FHIT: variants seen among roughly 807,000 people sequenced by gnomAD.
The protein encoded by FHIT is bis(5'-adenosyl)-triphosphatase.
Under a neutral mutation model 17.9 loss-of-function variants are expected in FHIT, and 19 were observed. The ratio of observed to expected loss-of-function variants is 1.06; its 90% CI spans 0.74 to 1.56. The LOEUF (loss-of-function observed/expected upper bound fraction) is 1.56, where lower values mean the gene tolerates loss of function less well. FHIT is among the 40% of genes most tolerant of loss of function. The probability of loss-of-function intolerance (pLI) is 0.00; values close to 1 mark genes in which losing one functional copy is unlikely to be tolerated. For synonymous variants in FHIT, 81 were observed against 69.7 expected, an observed-to-expected ratio of 1.16 and a Z score of -0.81; for missense variants, 248 against 189.2, an observed-to-expected ratio of 1.31 and a Z score of -1.82.
intron 3 of FHIT, among the ~76,000 whole-genome samples, chr3:60,999,111 C>A (rs1194728763): frequency 1.3e-5 from 2 of 152,106 alleles, no homozygotes; most frequent in Non-Finnish European, 2.9e-5. Flanking sequence ...AAGGACACTG[C>A]CACAGCCATG....
chr3:61,214,712 A>G (rs1340730536), intron 1 of FHIT, among the ~76,000 whole-genome samples: 8 of 152,204 alleles, frequency 5.3e-5, no homozygotes. Context: ...CAAAAGAGAG[A>G]ATTTTAGACC....
At chr3:59,931,505 T>C (rs761851582) in intron 7 of FHIT, among the ~76,000 whole-genome samples, 2 of 152,186 alleles carry the variant, frequency 1.3e-5, no homozygotes, top group Non-Finnish European at 2.9e-5. Context: ...ACAGGCACAC[T>C]GATGGTTTCT....
chr3:60,263,336 C>T (rs1387462489), intron 5 of FHIT, among the ~76,000 whole-genome samples: 8 of 151,866 alleles, frequency 5.3e-5, no homozygotes, highest in Admixed American at 5.3e-4. Flanking sequence ...TCAGTAATTC[C>T]ACTTGTAGGT....
chr3:60,039,998 G>C (rs1273978982), intron 5 of FHIT, among the ~76,000 whole-genome samples: 1 of 152,110 alleles, frequency 6.6e-6, no homozygotes, highest in Non-Finnish European at 1.5e-5. Flanking sequence ...GTATGATATG[G>C]TATGGAAATA....
chr3:60,088,185 C>T (rs1260167324), intron 5 of FHIT, among the ~76,000 whole-genome samples: 2 of 152,224 alleles, frequency 1.3e-5, no homozygotes, highest in East Asian at 1.9e-4. Flanking sequence ...AGATGGAGAA[C>T]TCATCCCCCA....
chr3:60,474,096 A>C (rs1391536153), intron 5 of FHIT, among the ~76,000 whole-genome samples: 2 of 152,206 alleles, frequency 1.3e-5, no homozygotes, highest in East Asian at 1.9e-4. Flanking sequence ...GCAGTGACAC[A>C]ATCAGGACAG....
At chr3:59,823,494 T>A (rs1317517637) in intron 8 of FHIT, among the ~76,000 whole-genome samples, 5 of 151,892 alleles carry the variant, frequency 3.3e-5, no homozygotes, top group Non-Finnish European at 2.9e-5. Flanking sequence ...AAAAAGATAA[T>A]CCACCATGAT....
intron 3 of FHIT, among the ~76,000 whole-genome samples, chr3:60,907,600 T>A (rs1388934871): frequency 6.6e-6 from 1 of 150,558 alleles, no homozygotes; most frequent in Non-Finnish European, 1.5e-5. Context: ...TACATATTCA[T>A]CTTAGGAGGT....
At chr3:60,634,491 C>G (rs1281741800) in intron 4 of FHIT, among the ~76,000 whole-genome samples, 2 of 152,174 alleles carry the variant, frequency 1.3e-5, no homozygotes, top group Non-Finnish European at 2.9e-5. Context: ...TTGGTAATCC[C>G]TCTCACATAT....
intron 5 of FHIT, among the ~76,000 whole-genome samples, chr3:60,131,183 G>GT (rs56398823): frequency 1 from 151,669 of 151,670 alleles, 75,834 homozygotes; most frequent in Non-Finnish European, 1. Context: ...TCCCTGATAT[G>GT]AATGGTATAG....
chr3:61,097,915 T>A (rs2035692895), intron 2 of FHIT, among the ~76,000 whole-genome samples: 1 of 152,244 alleles, frequency 6.6e-6, no homozygotes, highest in Non-Finnish European at 1.5e-5. Context: ...TTCACTCTGT[T>A]GGTAGTTTCC....
At chr3:61,047,867 A>T (rs1443511719) in intron 2 of FHIT, among the ~76,000 whole-genome samples, 2 of 135,886 alleles carry the variant, frequency 1.5e-5, no homozygotes, top group Non-Finnish European at 3.2e-5. Context: ...AAAAACAAGC[A>T]ATGGGGAAAG....
chr3:60,269,518 A>C (rs1313104350), intron 5 of FHIT, among the ~76,000 whole-genome samples: 1 of 152,198 alleles, frequency 6.6e-6, no homozygotes, highest in African/African-American at 2.4e-5. Context: ...TTATCGCTTT[A>C]GGCAGATATT....
chr3:60,115,093 C>T (rs1483539517), intron 5 of FHIT, among the ~76,000 whole-genome samples: 1 of 152,014 alleles, frequency 6.6e-6, no homozygotes, highest in Non-Finnish European at 1.5e-5. Flanking sequence ...ATATTATACA[C>T]AGAAGAAACT....
At chr3:60,118,462 G>A (rs527594303) in intron 5 of FHIT, among the ~76,000 whole-genome samples, 1 of 151,742 alleles carries the variant, frequency 6.6e-6, no homozygotes, top group South Asian at 2.1e-4. Context: ...TAGCGTTTTG[G>A]TAATCTCTTA....
At chr3:60,796,818 G>A (rs1389194686) in intron 4 of FHIT, among the ~76,000 whole-genome samples, 2 of 152,168 alleles carry the variant, frequency 1.3e-5, no homozygotes, top group Non-Finnish European at 2.9e-5. Flanking sequence ...CTGACCTCTG[G>A]TGATCTGCCC....
chr3:60,865,572 C>T (rs1704118578), intron 3 of FHIT, among the ~76,000 whole-genome samples: 1 of 151,994 alleles, frequency 6.6e-6, no homozygotes, highest in South Asian at 2.1e-4. Flanking sequence ...GTATTTCATT[C>T]CTCTTAGTAT....
intron 3 of FHIT, among the ~76,000 whole-genome samples, chr3:60,936,917 T>C (rs1361622679): frequency 2.0e-5 from 3 of 152,214 alleles, no homozygotes; most frequent in African/African-American, 7.2e-5. Flanking sequence ...ATACATTTCA[T>C]TGATGAGGCC....
intron 4 of FHIT, among the ~76,000 whole-genome samples, chr3:60,574,558 AG>A (rs1328593915): frequency 6.6e-6 from 1 of 151,920 alleles, no homozygotes; most frequent in Non-Finnish European, 1.5e-5. Flanking sequence ...CGCATTCTAT[AG>A]CCCCCTCCTA....
Sources: allele counts gnomAD v4.1 joint callset (sites outside exome capture counted in the v4.1 genomes callset), GRCh38; gene constraint gnomAD v4.1.1; transcripts MANE v1.5; gene names NCBI Gene and HGNC (gene_info 2026-07-23, HGNC 2026-07-21).